TASOR: variants seen among roughly 807,000 people sequenced by gnomAD.
The protein encoded by TASOR is protein TASOR.
In TASOR, 53 loss-of-function variants were observed where a neutral mutation model predicts 178.6. That is an observed-to-expected ratio of 0.30 (90% confidence interval 0.24 to 0.37). The LOEUF (loss-of-function observed/expected upper bound fraction) is 0.37. Ranked by LOEUF, TASOR falls within the 10% of genes least tolerant of loss-of-function variation. The probability of loss-of-function intolerance (pLI) is 1.00; values close to 1 mark genes in which losing one functional copy is unlikely to be tolerated. For missense variants in TASOR, 1,815 were observed against 1,971.4 expected, an observed-to-expected ratio of 0.92 and a Z score of 1.50; for synonymous variants, 713 against 696.2, an observed-to-expected ratio of 1.02 and a Z score of -0.38.
rs1000147133 is a variant in TASOR at position 56,636,202 on chromosome 3, C to G, written c.2825-2236G>C. Among the ~76,000 whole-genome samples the G allele has an allele frequency of 4.6e-5, 7 of 151,136 alleles. 1 individual carries two copies. Among genetic ancestry groups the G allele is most frequent in the Admixed American group, 1.3e-4 (2 of 15,194 alleles). ...GCGAGCACCTGTAATCTCAGCTACT[C>G]AGGAAGCAGAGGCTGCAGTGAGCCA... is the stretch of plus-strand genomic sequence containing the variant. On this transcript the variant is annotated intron_variant, in intron 17 of 23. Transcript: ENST00000683822.
Position 56,621,398 on chromosome 3 carries a change from CTGAAAAAATTTTTGAA to C in TASOR, c.*1623_*1638del, listed in dbSNP as rs1375630273. On this transcript the variant is annotated 3_prime_UTR_variant, in exon 24 of 24. Transcript: ENST00000683822. ...ATGAGGTGGTCTAGTACAAGCATTTCTGAAAAAATTTTTGAATGACAAAATTTTATCCTAAGCGATA... is the reference window on the plus strand; with the variant it reads ...ATGAGGTGGTCTAGTACAAGCATTTCTGACAAAATTTTATCCTAAGCGATA... 3.6e-6 allele frequency: 2 copies of C among 549,548 alleles called. No homozygotes were observed. Among genetic ancestry groups the C allele is most frequent in the Non-Finnish European group, 6.4e-6 (2 of 312,296 alleles). 34.0% of individuals were successfully genotyped at this position (549,548 alleles called of 1,614,324 possible).
At chr3:56,643,227 C>T (rs1222063761) in intron 14 of TASOR, among the ~76,000 whole-genome samples, 1 of 151,486 alleles carries the variant, frequency 6.6e-6, no homozygotes, top group African/African-American at 2.4e-5. Flanking sequence ...CGGGTCACTG[C>T]ACTCCAGCCT....
chr3:56,650,950 G>A (rs7612464), intron 11 of TASOR, among the ~76,000 whole-genome samples: 26,019 of 152,036 alleles, frequency 0.17, 2,820 homozygotes, highest in South Asian at 0.35. Flanking sequence ...AAAAAGTTAC[G>A]AAGCACAAGA....
chr3:56,663,751 A>G, intron 7 of TASOR, 179 bp from the exon 8 acceptor site: 3 of 1,048,718 alleles, frequency 2.9e-6, no homozygotes, highest in Non-Finnish European at 3.5e-6. Flanking sequence ...CTACTTAGAG[A>G]AAACAGAAGT....
chr3:56,649,446 C>T (rs2077303930), intron 11 of TASOR, among the ~76,000 whole-genome samples: 1 of 152,158 alleles, frequency 6.6e-6, no homozygotes, highest in Non-Finnish European at 1.5e-5. Context: ...TGCTTTGAAA[C>T]ACTGCGTTGC....
At position 56,641,351 on chromosome 3, in the gene TASOR, C is replaced by T. The variant is rs1377301803; in HGVS notation, c.2617G>A (p.Glu873Lys). The T allele has an allele frequency of 6.3e-7, 1 of 1,585,626 alleles. No individual in the cohort carries two copies. The highest frequency in any genetic ancestry group is 8.6e-7 in the Non-Finnish European group (1 of 1,157,998). ...VGTDHKLHLK[E>K]DPNLISVNNF... ...GTAACCAACAGCTATATGCTTACTT[C>T]TTTCAAATGTAGCTTATGGTCAGTG... Residue 873 changes from glutamate to lysine, a missense_variant and splice_region_variant, in exon 15 of 24, where the codon GAA becomes AAA. Glu to Lys is a moderately conservative substitution (Grantham distance 56). Transcript: ENST00000683822.
rs2077246550 is a variant in TASOR, at chr3:56,646,758, C to T, written c.1979G>A (p.Gly660Asp). 1.9e-6 allele frequency: 3 copies of T among 1,613,776 alleles called. No individual in the cohort carries two copies. In the Admixed American group the frequency reaches 5.0e-5, roughly 27 times the overall value. The change falls in exon 14 of 24, where the codon GGT becomes GAT. Residue 660 changes from glycine (G) to aspartate (D), a missense_variant. Coordinates refer to ENST00000683822, the MANE Select transcript of TASOR (RefSeq NM_001365635.2). ...TTGCTTTCCAGATATAATGGCTTCA[C>T]CTCTTGAGTTATTTCGTTTTCCAAA... ...MKFGKRNNSRGEAIISGKQRS... is the reference protein window; with the variant it reads ...MKFGKRNNSRDEAIISGKQRS...
In TASOR at chr3:56,641,574, T is replaced by A. The variant is rs528235684; in HGVS notation, c.2394A>T (p.Gly798=). 1.2e-6 allele frequency: 2 copies of A among 1,614,198 alleles called. No individual in the cohort carries two copies. The highest frequency in any genetic ancestry group is 4.5e-5 in the East Asian group (2 of 44,892). ...SLTDTVNKAL[G]LSTDDAYEEL... is the part of the protein sequence containing the mutation. ...CTTCATAGGCATCATCAGTGCTCAA[T>A]CCTAAGGCTTTGTTGACTGTGTCTG... Residue 798 remains glycine, a synonymous_variant, in exon 15 of 24, where the codon GGA becomes GGT. Coordinates refer to ENST00000683822, the MANE Select transcript of TASOR (RefSeq NM_001365635.2).
intron 3 of TASOR, chr3:56,671,363 A>G (rs758054647): frequency 1.6e-5 from 6 of 373,032 alleles, no homozygotes; most frequent in Non-Finnish European, 2.8e-5. Context: ...AAATAAACAG[A>G]AAAGTATTAT....
chr3:56,641,988 G>A (rs1347839694), intron 14 of TASOR, among the ~76,000 whole-genome samples: 2 of 152,150 alleles, frequency 1.3e-5, no homozygotes, highest in Non-Finnish European at 1.5e-5. Flanking sequence ...CTATCAATAG[G>A]AAAATAAGCT....
intron 14 of TASOR, among the ~76,000 whole-genome samples, chr3:56,644,699 T>C (rs1484705757): frequency 2.8e-5 from 2 of 71,898 alleles, no homozygotes; most frequent in Non-Finnish European, 5.3e-5. Flanking sequence ...AAGAAGGTAG[T>C]AAGTCAGGAA....
In TASOR at chr3:56,660,711, T is replaced by C; in HGVS notation, c.1368+20A>G. 6.4e-7 allele frequency: 1 copy of C among 1,569,938 alleles called. No homozygotes were observed. ...TATTTGTAACAAAGAATGAGAAACA[T>C]TAAAAAACTTTTCACTCACAAGTTT... On this transcript the variant is annotated intron_variant, in intron 11 of 23. Transcript: ENST00000683822.
chr3:56,670,964 G>GAAAAAAAAAAA (rs2030656736), intron 3 of TASOR, among the ~76,000 whole-genome samples: 8 of 116,892 alleles, frequency 6.8e-5, no homozygotes, highest in African/African-American at 2.9e-4. Flanking sequence ...AAAAAAAAAG[G>GAAAAAAAAAAA]AAAAATGGTT....
rs201829401 is a variant in TASOR, at chr3:56,641,588, T to C, written c.2380A>G (p.Asn794Asp). 1.4e-5 allele frequency: 22 copies of C among 1,614,196 alleles called. No individual in the cohort carries two copies. The highest frequency in any genetic ancestry group is 9.9e-5 in the South Asian group (9 of 91,082). ...TCAGTGCTCAATCCTAAGGCTTTGT[T>C]GACTGTGTCTGTCAGAGATGCATCA... ...HSDASLTDTV[N>D]KALGLSTDDA... Residue 794 changes from asparagine (N) to aspartate (D), a missense_variant, in exon 15 of 24, where the codon AAC (asparagine) becomes GAC (aspartate). Transcript: ENST00000683822.
At position 56,623,393 on chromosome 3, in the gene TASOR, G is replaced by A. The variant is rs776193367; in HGVS notation, c.4657C>T (p.Pro1553Ser). 12 of 1,613,550 alleles carry A rather than the reference G, an allele frequency of 7.4e-6. No homozygotes were observed. Among genetic ancestry groups the A allele is most frequent in the Middle Eastern group, 1.7e-4 (1 of 6,060 alleles). Residue 1553 changes from proline to serine, a missense_variant, in exon 24 of 24, where the codon CCT becomes TCT. This residue lies in a region of TASOR where 278 missense variants were observed against 257.1 expected (regional missense o/e 1.08). Transcript: ENST00000683822. ...TCTAATAAACTGTTTTGCACATCAG[G>A]AGACGATTGCAACTCAATTTGAGTA... ...KNTQIELQSSPDVQNSLLEDK... is the reference protein window; with the variant it reads ...KNTQIELQSSSDVQNSLLEDK...
Position 56,671,604 on chromosome 3 carries a change from T to C in TASOR, c.566A>G (p.Tyr189Cys). The C allele has an allele frequency of 6.5e-7, 1 of 1,546,088 alleles. No homozygotes were observed. The highest frequency in any genetic ancestry group is 1.4e-5 in the African/African-American group (1 of 73,050). Reference protein sequence around the residue: ...ESYAFLMVDRYQVQTICEKGL... With the variant: ...ESYAFLMVDRCQVQTICEKGL... ...TTATAAAATGCGTTAACTCACCTGG[T>C]ATCGATCAACCATCAGAAATGCATA... Residue 189 changes from tyrosine to cysteine, a missense_variant, in exon 3 of 24, where the codon TAC becomes TGC. This residue lies in a region of TASOR where 504 missense variants were observed against 645.3 expected (regional missense o/e 0.78). Transcript: ENST00000683822.
In TASOR at chr3:56,650,214, C is replaced by T. The variant is rs556604399; in HGVS notation, c.1369-1157G>A. Among the ~76,000 whole-genome samples the T allele has an allele frequency of 5.3e-5, 8 of 152,302 alleles. 1 individual carries two copies. The South Asian group carries it at 1.7e-3, about 32-fold the overall frequency. ...AAAACTCGTACTACCTAAATTCCTA[C>T]TAAAACAATTCCAGTAAACAACGCC... On this transcript the variant is annotated intron_variant, in intron 11 of 23. Transcript: ENST00000683822.
rs377172257 is a variant in TASOR at position 56,661,001 on chromosome 3, C to A, written c.1177G>T (p.Val393Phe). The change falls in exon 10 of 24, where the codon GTT (valine) becomes TTT (phenylalanine). Residue 393 changes from valine (V) to phenylalanine (F), a missense_variant. By Grantham distance (50) the Val-to-Phe change is conservative (BLOSUM62 -1). This residue lies in a region of TASOR where 504 missense variants were observed against 645.3 expected (regional missense o/e 0.78). Transcript: ENST00000683822. ...LPIKLPEKLD[V>F]ETVMSIDHLK... is the part of the protein sequence containing the mutation. The stretch of plus-strand genomic sequence containing the variant: ...TGATCAATACTCATAACTGTTTCAA[C>A]ATCTAATTTCTCAGGTCTGAAAGAA... 226 of 1,600,628 alleles carry A rather than the reference C, an allele frequency of 1.4e-4. 1 individual carries two copies. Among genetic ancestry groups the A allele is most frequent in the Non-Finnish European group, 1.9e-4 (221 of 1,170,430 alleles).
At position 56,669,787 on chromosome 3, in the gene TASOR, G is replaced by A; in HGVS notation, c.648C>T (p.Val216=). The A allele has an allele frequency of 1.9e-6, 3 of 1,541,646 alleles. No individual in the cohort carries two copies. Among genetic ancestry groups the A allele is most frequent in the Non-Finnish European group, 2.6e-6 (3 of 1,142,788 alleles). The part of the protein sequence containing the change: ...ITILGSPSMG[V]YLSRYADLLQ... ...ATAAATCAGCATACCTAGAAAGATA[G>A]ACACCTAGAAAAGACGGAAAAATTA... Residue 216 remains valine (V), a synonymous_variant, in exon 5 of 24, where the codon GTC becomes GTT. Coordinates refer to ENST00000683822, the MANE Select transcript of TASOR (RefSeq NM_001365635.2).
Sources: gnomAD v4.1 joint callset for allele counts (sites outside exome capture counted in the v4.1 genomes callset) on GRCh38, gnomAD v4.1.1 for gene constraint, gnomAD v4.1.1 regional missense constraint, MANE v1.5 for transcripts, NCBI Gene and HGNC (gene_info 2026-07-23, HGNC 2026-07-21) for gene names.